PRKN: variants seen among roughly 807,000 people sequenced by gnomAD.
PRKN encodes the protein E3 ubiquitin-protein ligase parkin.
A neutral mutation model predicts 59.5 loss-of-function variants in PRKN; 56 were observed. The observed-to-expected ratio is 0.94, with a 90% confidence interval of 0.76 to 1.18. PRKN has a LOEUF of 1.18. Among genes scored for constraint, PRKN ranks in the 50% most tolerant of loss-of-function variants. The probability of loss-of-function intolerance (pLI) is 0.00; values close to 1 mark genes in which losing one functional copy is unlikely to be tolerated. For synonymous variants in PRKN, 250 were observed against 222.1 expected (o/e 1.13, Z -1.12); for missense variants, 657 against 596.4 (o/e 1.10, Z -1.06).
At chr6:162,411,598 C>A (rs1788357749) in intron 2 of PRKN, among the ~76,000 whole-genome samples, 1 of 151,962 alleles carries the variant, frequency 6.6e-6, no homozygotes, top group Non-Finnish European at 1.5e-5. Flanking sequence ...TTAAATACCA[C>A]CTGTAAGAAA....
intron 4 of PRKN, among the ~76,000 whole-genome samples, chr6:162,190,272 C>G (rs1008036506): frequency 6.6e-6 from 1 of 152,092 alleles, no homozygotes; most frequent in Admixed American, 6.6e-5. Context: ...TTTCCCAGTA[C>G]GCAATACTCT....
intron 1 of PRKN, among the ~76,000 whole-genome samples, chr6:162,578,304 T>C (rs1780644432): frequency 6.6e-6 from 1 of 152,150 alleles, no homozygotes; most frequent in Non-Finnish European, 1.5e-5. Context: ...ATTAAATGTA[T>C]TAAATATAAT....
chr6:162,701,496 G>T (rs1421822519), intron 1 of PRKN, among the ~76,000 whole-genome samples: 2 of 151,748 alleles, frequency 1.3e-5, no homozygotes, highest in Non-Finnish European at 2.9e-5. Context: ...ATTGGCTCAT[G>T]GGTCAGCACT....
At chr6:162,302,940 G>A (rs183638054) in intron 2 of PRKN, among the ~76,000 whole-genome samples, 2 of 146,590 alleles carry the variant, frequency 1.4e-5, no homozygotes, top group African/African-American at 2.5e-5. Flanking sequence ...GGGCCTATGG[G>A]TGAGTATTAT....
At chr6:161,678,275 G>T (rs1582990244) in intron 7 of PRKN, among the ~76,000 whole-genome samples, 1 of 111,854 alleles carries the variant, frequency 8.9e-6, no homozygotes. Context: ...ATAAGATCCT[G>T]GCTCTAATTC....
chr6:161,885,664 CAAAAAA>C lies in PRKN; in HGVS notation c.734+87632_734+87637del, dbSNP rs57209835. ...TGGGTGACAGAGCGAGACTCTGTCT[CAAAAAA>C]AAAAAAAAAAAAAGAATGTCTGAGC... On this transcript the variant is annotated intron_variant, in intron 6 of 11. Coordinates refer to ENST00000366898, the MANE Select transcript of PRKN (RefSeq NM_004562.3). Among the ~76,000 whole-genome samples, 258 of 114,244 alleles carry C rather than the reference CAAAAAA, an allele frequency of 2.3e-3. 1 individual carries two copies. The highest frequency in any genetic ancestry group is 6.4e-3 in the African/African-American group (199 of 31,250). 74.9% of individuals were successfully genotyped at this position (114,244 alleles called of 152,430 possible). A position where few individuals can be genotyped will look rare whatever the true frequency, so the allele number is the denominator to read the frequency against.
At position 161,544,724 on chromosome 6, in the gene PRKN, G is replaced by A. The variant is rs968911049; in HGVS notation, c.1083+4130C>T. 1.3e-5 allele frequency among the ~76,000 whole-genome samples: 2 copies of A among 152,116 alleles called. No individual in the cohort carries two copies. Among genetic ancestry groups the A allele is most frequent in the African/African-American group, 2.4e-5 (1 of 41,420 alleles). The stretch of plus-strand genomic sequence containing the variant: ...ACTGGATCCACCCCACATTTATCAG[G>A]CCTTTCCTAGGTGGACTGACATCAT... On this transcript the variant is annotated intron_variant, in intron 9 of 11. Transcript: ENST00000366898. This position sits in a 1 kb window ranked among gnomAD's most constrained non-coding sequence, Gnocchi z 5.5.
intron 6 of PRKN, among the ~76,000 whole-genome samples, chr6:161,900,502 AAT>A (rs1436264958): frequency 1.4e-5 from 2 of 139,828 alleles, no homozygotes; most frequent in African/African-American, 2.6e-5. Flanking sequence ...TATATATTAT[AAT>A]ATATATTATA....
At position 161,416,332 on chromosome 6, in the gene PRKN, G is replaced by C. The variant is rs1353707070; in HGVS notation, c.1084-29455C>G. Among the ~76,000 whole-genome samples, 2 of 151,976 alleles carry C rather than the reference G, an allele frequency of 1.3e-5. 1 individual carries two copies. On this transcript the variant is annotated intron_variant, in intron 9 of 11. Transcript: ENST00000366898. ...ATGACGGATTGGGCTTGTTTTTCTCGGTCTGTTTTCCCCCGAGGAGAGCGC... is the reference window on the plus strand; with the variant it reads ...ATGACGGATTGGGCTTGTTTTTCTCCGTCTGTTTTCCCCCGAGGAGAGCGC...
rs190070126 is a variant in PRKN, at chr6:161,683,572, C to T, written c.871+102200G>A. ...GCTCTGACATCACCTGCACCCATAG[C>T]GCTTGACAGGGCAGCACCTGAACGC... On this transcript the variant is annotated intron_variant, in intron 7 of 11. Coordinates refer to ENST00000366898, the MANE Select transcript of PRKN (RefSeq NM_004562.3). Among the ~76,000 whole-genome samples the T allele has an allele frequency of 9.0e-4, 137 of 152,308 alleles. 2 individuals are homozygous for T. The highest frequency in any genetic ancestry group is 8.4e-3 in the Admixed American group (128 of 15,306).
At chr6:161,617,120 T>C (rs1782726806) in intron 7 of PRKN, among the ~76,000 whole-genome samples, 1 of 152,232 alleles carries the variant, frequency 6.6e-6, no homozygotes, top group South Asian at 2.1e-4. Context: ...TGTGAGATGG[T>C]ATCTCATTGT....
Position 162,726,617 on chromosome 6 carries a change from G to A in PRKN, c.7+1045C>T, listed in dbSNP as rs142664904. ...ACAATAACTTCACAAATAAACAGAT[G>A]TAAGAAGTGTTTTCAGTGCATAAAG... On this transcript the variant is annotated intron_variant, in intron 1 of 11. Coordinates refer to ENST00000366898, the MANE Select transcript of PRKN (RefSeq NM_004562.3). Among the ~76,000 whole-genome samples, 128 of 152,266 alleles carry A rather than the reference G, an allele frequency of 8.4e-4. 1 individual carries two copies. In the East Asian group the frequency reaches 0.022, roughly 26 times the overall value.
intron 7 of PRKN, among the ~76,000 whole-genome samples, chr6:161,706,373 G>A (rs1786494505): frequency 6.6e-6 from 1 of 152,142 alleles, no homozygotes; most frequent in Non-Finnish European, 1.5e-5. Context: ...AGTGGGTCTT[G>A]TGCCCACCAA....
intron 7 of PRKN, among the ~76,000 whole-genome samples, chr6:161,600,985 A>C (rs1243690590): frequency 6.6e-6 from 1 of 152,146 alleles, no homozygotes; most frequent in African/African-American, 2.4e-5. Context: ...TCATCCATTC[A>C]CTCATAATTC....
intron 1 of PRKN, among the ~76,000 whole-genome samples, chr6:162,711,876 TA>T (rs1409511480): frequency 3.9e-5 from 6 of 152,190 alleles, no homozygotes; most frequent in Non-Finnish European, 8.8e-5. Flanking sequence ...TCATATTAGG[TA>T]GCAGACTTGT....
Position 161,566,897 on chromosome 6 carries a change from C to T in PRKN, c.933+2458G>A, listed in dbSNP as rs570750275. 9.5e-4 allele frequency among the ~76,000 whole-genome samples: 144 copies of T among 152,228 alleles called. No individual in the cohort carries two copies. Among genetic ancestry groups the T allele is most frequent in the African/African-American group, 3.4e-3 (142 of 41,534 alleles). On this transcript the variant is annotated intron_variant, in intron 8 of 11. Coordinates refer to ENST00000366898, the MANE Select transcript of PRKN (RefSeq NM_004562.3). The surrounding 1 kb of genome is among the most constrained non-coding windows in gnomAD (Gnocchi z 4.1). ...TCCACTCTGTGGAAATCTCCTTTCC[C>T]AGATGTCACCATGAGGCTTCTCTGG...
intron 1 of PRKN, among the ~76,000 whole-genome samples, chr6:162,709,831 T>A (rs975977996): frequency 3.6e-5 from 5 of 137,730 alleles, no homozygotes; most frequent in Admixed American, 3.1e-4. Context: ...AGAGATTGGG[T>A]CCAGGAATAT....
At chr6:162,522,735 C>T (rs1298384495) in intron 1 of PRKN, among the ~76,000 whole-genome samples, 1 of 151,286 alleles carries the variant, frequency 6.6e-6, no homozygotes, top group East Asian at 1.9e-4. Context: ...ACCAGAAGTA[C>T]TACATCTGTT....
chr6:162,698,976 G>T (rs1013080120), intron 1 of PRKN, among the ~76,000 whole-genome samples: 3 of 152,162 alleles, frequency 2.0e-5, no homozygotes, highest in Non-Finnish European at 4.4e-5. Context: ...TTTCTGAAGA[G>T]CTCTTCATTT....
Sources: gnomAD v4.1 joint callset for allele counts (sites outside exome capture counted in the v4.1 genomes callset) on GRCh38, gnomAD v4.1.1 for gene constraint, Gnocchi (gnomAD v3.1) non-coding constraint, MANE v1.5 for transcripts, NCBI Gene and HGNC (gene_info 2026-07-23, HGNC 2026-07-21) for gene names.